TBC1D2: variants seen among roughly 807,000 people sequenced by gnomAD.
TBC1D2 encodes TBC1 domain family member 2.
In TBC1D2, 58 loss-of-function variants were observed where a neutral mutation model predicts 91.1. That is an observed-to-expected ratio of 0.64 (90% confidence interval 0.52 to 0.79). TBC1D2 has a LOEUF of 0.79. Ranked by LOEUF, TBC1D2 falls within the 30% of genes least tolerant of loss-of-function variation. TBC1D2 has a pLI of 0.00. For synonymous variants in TBC1D2, 482 were observed against 511.5 expected, an observed-to-expected ratio of 0.94 and a Z score of 0.78; for missense variants, 1,080 against 1,208.3, an observed-to-expected ratio of 0.89 and a Z score of 1.57.
At chr9:98,212,812 A>G (rs765549642) in intron 7 of TBC1D2, among the ~76,000 whole-genome samples, 2 of 152,078 alleles carry the variant, frequency 1.3e-5, no homozygotes, top group Non-Finnish European at 2.9e-5. Context: ...CCCCAAGTAC[A>G]TCTTGATTGG....
intron 10 of TBC1D2, among the ~76,000 whole-genome samples, chr9:98,202,503 C>T (rs1009297458): frequency 6.6e-6 from 1 of 152,190 alleles, no homozygotes; most frequent in African/African-American, 2.4e-5. Flanking sequence ...GGTCATCTAC[C>T]GAGGCCAAGT....
chr9:98,203,180 A>G (rs1828554264), intron 10 of TBC1D2, 108 bp downstream of exon 10: 1 of 1,520,018 alleles, frequency 6.6e-7, no homozygotes, highest in Non-Finnish European at 8.9e-7. Flanking sequence ...CAGAGGGAGA[A>G]ATGGAAGCCC....
Position 98,209,004 on chromosome 9 carries a change from C to T in TBC1D2, c.1814G>A (p.Arg605His), listed in dbSNP as rs557000636. Residue 605 changes from arginine (R) to histidine (H), a missense_variant, in exon 9 of 13, where the codon CGC becomes CAC. Transcript: ENST00000465784. ...CACAAGATCGCCCAGGGCAGCCCAG[C>T]GCTCCCTCAGCGGCCGATCCACAGC... ...LEAVDRPLRERWAALGDLVPS... is the reference protein window; with the variant it reads ...LEAVDRPLREHWAALGDLVPS... The T allele has an allele frequency of 3.4e-5, 55 of 1,614,104 alleles. No individual in the cohort carries two copies. The highest frequency in any genetic ancestry group is 3.3e-4 in the Middle Eastern group (2 of 6,062).
At chr9:98,231,023 T>C (rs1829355339) in intron 4 of TBC1D2, among the ~76,000 whole-genome samples, 1 of 152,152 alleles carries the variant, frequency 6.6e-6, no homozygotes, top group Non-Finnish European at 1.5e-5. Flanking sequence ...CTCCTTCCTG[T>C]AATGGGGTAT....
In TBC1D2 at chr9:98,202,245, C is replaced by T. The variant is rs1650187291; in HGVS notation, c.2272-581G>A. On this transcript the variant is annotated intron_variant, in intron 10 of 12. Transcript: ENST00000465784. ...GCTCCTGGCGACACTGGCCAGTGAC[C>T]TCTTCTTGTGACCACTGTCATGCCT... is the stretch of plus-strand genomic sequence containing the variant. Among the ~76,000 whole-genome samples the T allele has an allele frequency of 3.3e-5, 5 of 152,324 alleles. 1 individual carries two copies. In the South Asian group the frequency reaches 1.0e-3, roughly 32 times the overall value.
intron 5 of TBC1D2, among the ~76,000 whole-genome samples, chr9:98,222,585 C>A (rs1354556202): frequency 6.6e-6 from 1 of 152,236 alleles, no homozygotes; most frequent in African/African-American, 2.4e-5. Flanking sequence ...GGGAGGGCCA[C>A]GCCTGGACTC....
rs760394702 is a variant in TBC1D2, at chr9:98,210,751, G to A, written c.1578C>T (p.Ser526=). The change falls in exon 8 of 13, where the codon AGC becomes AGT. Residue 526 remains serine (S), a synonymous_variant. Coordinates refer to ENST00000465784, the MANE Select transcript of TBC1D2 (RefSeq NM_001267571.2). ...GCTGCCTCAGCAGCTCTGAGCACTC[G>A]CTGGCTTCGTCCCCCAGGGCCTCCT... ...RLQEALGDEA[S]ECSELLRQLV... The A allele has an allele frequency of 7.6e-6, 12 of 1,573,738 alleles. No individual in the cohort carries two copies. The highest frequency in any genetic ancestry group is 1.7e-4 in the Middle Eastern group (1 of 6,040).
intron 1 of TBC1D2, among the ~76,000 whole-genome samples, chr9:98,253,424 T>G (rs1829910311): frequency 6.6e-6 from 1 of 152,196 alleles, no homozygotes; most frequent in African/African-American, 2.4e-5. Context: ...TCTGATGGGC[T>G]CCCTGAGTAC....
intron 2 of TBC1D2, among the ~76,000 whole-genome samples, chr9:98,248,483 G>C (rs1829810755): frequency 6.6e-6 from 1 of 152,234 alleles, no homozygotes; most frequent in Non-Finnish European, 1.5e-5. Flanking sequence ...CAAAAAAAGG[G>C]CCTGACCCAG....
At chr9:98,213,078 A>G (rs1331911281) in intron 7 of TBC1D2, 30 bp downstream of exon 7, 1 of 1,612,228 alleles carries the variant, frequency 6.2e-7, no homozygotes, top group Non-Finnish European at 8.5e-7. Context: ...CCAGGGATGG[A>G]GACGGCTGGA....
intron 3 of TBC1D2, among the ~76,000 whole-genome samples, chr9:98,241,323 A>G (rs146477412): frequency 2.6e-4 from 40 of 152,306 alleles, no homozygotes; most frequent in Middle Eastern, 3.4e-3. Flanking sequence ...AGAACTCGAG[A>G]GCATAAAGCA....
chr9:98,221,350 G>A, intron 5 of TBC1D2, 122 bp from the exon 6 acceptor site: 1 of 1,226,632 alleles, frequency 8.2e-7, no homozygotes, highest in South Asian at 1.6e-5. Flanking sequence ...CATCCCTGCG[G>A]CATCTCATCC....
At chr9:98,252,910 A>G (rs1829901395) in intron 1 of TBC1D2, among the ~76,000 whole-genome samples, 1 of 152,090 alleles carries the variant, frequency 6.6e-6, no homozygotes, top group African/African-American at 2.4e-5. Flanking sequence ...TGCACTATGC[A>G]GGGGGGAGTC....
At chr9:98,234,103 A>T (rs1336035128) in intron 3 of TBC1D2, among the ~76,000 whole-genome samples, 1 of 152,188 alleles carries the variant, frequency 6.6e-6, no homozygotes, top group African/African-American at 2.4e-5. Context: ...TCCTCTGTGC[A>T]GCCTTCACTG....
chr9:98,219,380 T>C (rs911260822), intron 6 of TBC1D2, among the ~76,000 whole-genome samples: 1 of 152,236 alleles, frequency 6.6e-6, no homozygotes, highest in Non-Finnish European at 1.5e-5. Flanking sequence ...TTTTTTTTTC[T>C]TTCTCCATCT....
chr9:98,225,127 AG>A (rs1829199877), intron 5 of TBC1D2, among the ~76,000 whole-genome samples: 1 of 152,240 alleles, frequency 6.6e-6, no homozygotes, highest in Non-Finnish European at 1.5e-5. Context: ...AGGTGGCCCC[AG>A]AGGGCCGCAG....
chr9:98,235,060 C>T (rs563028516), intron 3 of TBC1D2: 7 of 185,048 alleles, frequency 3.8e-5, no homozygotes, highest in South Asian at 1.0e-4. Context: ...AAAAATTAGC[C>T]GGGCGTGGTG....
intron 12 of TBC1D2, 44 bp downstream of exon 12, chr9:98,200,209 G>GGGT (rs779031922): frequency 1.2e-6 from 2 of 1,610,606 alleles, no homozygotes; most frequent in Non-Finnish European, 1.7e-6. Flanking sequence ...GTGTCCTTGG[G>GGGT]GGTGTGTGAG....
chr9:98,207,182 C>T (rs1266919808), intron 9 of TBC1D2, among the ~76,000 whole-genome samples: 1 of 152,140 alleles, frequency 6.6e-6, no homozygotes, highest in Non-Finnish European at 1.5e-5. Context: ...CTCAATTTCA[C>T]CCAATTTTAG....
Sources: gnomAD v4.1 joint callset for allele counts (sites outside exome capture counted in the v4.1 genomes callset) on GRCh38, gnomAD v4.1.1 for gene constraint, MANE v1.5 for transcripts, NCBI Gene and HGNC (gene_info 2026-07-23, HGNC 2026-07-21) for gene names.